The following SCEL variants were observed in gnomAD, a reference collection of about 807,000 sequenced individuals.
SCEL encodes the protein sciellin.
Under a neutral mutation model 117.6 loss-of-function variants are expected in SCEL, and 113 were observed. The observed-to-expected ratio is 0.96, with a 90% CI of 0.83 to 1.12. The LOEUF (loss-of-function observed/expected upper bound fraction) is 1.12, where lower values mean the gene tolerates loss of function less well. Ranked by LOEUF, SCEL falls within the 50% of genes most tolerant of loss-of-function variation. SCEL has a pLI of 0.00. For synonymous variants in SCEL, 270 were observed against 256.2 expected (o/e 1.05, Z -0.51); for missense variants, 785 against 810.8 (o/e 0.97, Z 0.39).
At chr13:77,575,244 G>A (rs1280252251) in intron 9 of SCEL, among the ~76,000 whole-genome samples, 3 of 151,618 alleles carry the variant, frequency 2.0e-5, no homozygotes, top group Non-Finnish European at 4.4e-5. Flanking sequence ...ACACCCAAAG[G>A]GACTTAAACT....
chr13:77,563,792 AT>A (rs749144278), intron 4 of SCEL, 38 bp from the exon 5 acceptor site: 1 of 1,434,268 alleles, frequency 7.0e-7, no homozygotes, highest in Non-Finnish European at 9.5e-7. Flanking sequence ...TTTGTAATTG[AT>A]TTGATTTTTT....
chr13:77,590,395 T>C (rs1315113445), intron 10 of SCEL, among the ~76,000 whole-genome samples: 1 of 152,158 alleles, frequency 6.6e-6, no homozygotes, highest in Non-Finnish European at 1.5e-5. Context: ...GTTTGTATGA[T>C]GGTTATAATG....
At chr13:77,586,213 C>T (rs9593238) in intron 9 of SCEL, among the ~76,000 whole-genome samples, 61,005 of 151,988 alleles carry the variant, frequency 0.4, 14,159 homozygotes, top group Non-Finnish European at 0.52. Flanking sequence ...TTCCCCTCCC[C>T]GACCACTCAC....
At chr13:77,581,316 A>C (rs2086248540) in intron 9 of SCEL, among the ~76,000 whole-genome samples, 1 of 152,262 alleles carries the variant, frequency 6.6e-6, no homozygotes. Context: ...TTGTTTGAAC[A>C]GAACAAGGAG....
chr13:77,541,251 C>T lies in SCEL; in HGVS notation c.-20+5427C>T, dbSNP rs574981724. Among the ~76,000 whole-genome samples the T allele has an allele frequency of 3.3e-5, 5 of 151,732 alleles. No individual in the cohort carries two copies. In the South Asian group the frequency reaches 1.0e-3, roughly 32 times the overall value. On this transcript the variant is annotated intron_variant, in intron 1 of 32. Coordinates refer to ENST00000349847, the MANE Select transcript of SCEL (RefSeq NM_144777.3). ...ATTTATAAAATAAGAAAGAAAATGC[C>T]CTGTAAAGTGAAGAAAAATATGCGA...
At chr13:77,585,238 T>C (rs2086495017) in intron 9 of SCEL, among the ~76,000 whole-genome samples, 1 of 152,156 alleles carries the variant, frequency 6.6e-6, no homozygotes, top group Non-Finnish European at 1.5e-5. Context: ...TCCAGAATAG[T>C]GTGATATGTG....
intron 28 of SCEL, among the ~76,000 whole-genome samples, chr13:77,629,641 C>T (rs1342721619): frequency 6.6e-6 from 1 of 152,140 alleles, no homozygotes; most frequent in Non-Finnish European, 1.5e-5. Context: ...GCTGAAAAAT[C>T]AACTCCCAAA....
intron 8 of SCEL, among the ~76,000 whole-genome samples, chr13:77,571,655 C>T (rs1054223864): frequency 6.6e-6 from 1 of 151,460 alleles, no homozygotes; most frequent in African/African-American, 2.4e-5. Flanking sequence ...CGCCATTACA[C>T]TCCGGCCTGG....
At chr13:77,617,691 G>A (rs1472108528) in intron 25 of SCEL, 33 bp downstream of exon 25, 1 of 1,509,102 alleles carries the variant, frequency 6.6e-7, no homozygotes, top group East Asian at 2.3e-5. Flanking sequence ...ATGTACTTGG[G>A]TCAGAAAGAA....
At chr13:77,579,027 G>A (rs962096855) in intron 9 of SCEL, among the ~76,000 whole-genome samples, 3 of 152,154 alleles carry the variant, frequency 2.0e-5, no homozygotes, top group Non-Finnish European at 4.4e-5. Context: ...GGTGTGTTGG[G>A]GGGCTAAGGT....
At chr13:77,608,995 C>T in intron 20 of SCEL, 63 bp from the exon 21 acceptor site, 1 of 1,318,840 alleles carries the variant, frequency 7.6e-7, no homozygotes, top group Non-Finnish European at 1.1e-6. Flanking sequence ...TCCTTTAAAT[C>T]AAAACAGTCA....
At chr13:77,599,640 A>G (rs2087506070) in intron 14 of SCEL, 49 bp from the exon 15 acceptor site, 2 of 1,345,916 alleles carry the variant, frequency 1.5e-6, no homozygotes, top group South Asian at 1.2e-5. Flanking sequence ...ATACCACACA[A>G]TTTCATTTCA....
At chr13:77,601,117 T>C (rs1430796497) in intron 15 of SCEL, among the ~76,000 whole-genome samples, 2 of 86,618 alleles carry the variant, frequency 2.3e-5, no homozygotes, top group Non-Finnish European at 4.7e-5. Flanking sequence ...ACAGTCTCTT[T>C]TTTTTTTTTT....
rs1425645667 is a variant in SCEL at position 77,617,582 on chromosome 13, AT to A, written c.1452-11del. 3.3e-6 allele frequency: 5 copies of A among 1,528,740 alleles called. No homozygotes were observed. The highest frequency in any genetic ancestry group is 4.5e-6 in the Non-Finnish European group (5 of 1,117,068). 94.7% of individuals were successfully genotyped at this position (1,528,740 alleles called of 1,614,324 possible). A position where few individuals can be genotyped will look rare whatever the true frequency, so the allele number is the denominator to read the frequency against. ...TATCTCTAACCCAAGTTGCTTTAATATTTTTTCCACTTAAAGAAAACAAGAT... is the reference window on the plus strand; with the variant it reads ...TATCTCTAACCCAAGTTGCTTTAATATTTTTCCACTTAAAGAAAACAAGAT... On this transcript the variant is annotated splice_polypyrimidine_tract_variant and intron_variant, in intron 24 of 32. Coordinates refer to ENST00000349847, the MANE Select transcript of SCEL (RefSeq NM_144777.3).
intron 16 of SCEL, 70 bp from the exon 17 acceptor site, chr13:77,602,584 C>G: frequency 7.4e-7 from 1 of 1,350,650 alleles, no homozygotes; most frequent in South Asian, 1.2e-5. Context: ...CAGGGACATT[C>G]TTGATTATAC....
intron 32 of SCEL, among the ~76,000 whole-genome samples, chr13:77,643,276 A>G (rs554610941): frequency 6.6e-6 from 1 of 152,288 alleles, no homozygotes; most frequent in Non-Finnish European, 1.5e-5. Context: ...TAAGTTTTCT[A>G]TCCATCTAAC....
intron 1 of SCEL, among the ~76,000 whole-genome samples, chr13:77,543,114 C>T (rs1387721228): frequency 7.4e-6 from 1 of 134,370 alleles, no homozygotes; most frequent in Non-Finnish European, 1.5e-5. Flanking sequence ...GACGGAGTCT[C>T]GCTCTGTTGC....
chr13:77,566,057 A>G (rs1281873433), intron 5 of SCEL, among the ~76,000 whole-genome samples: 2 of 152,234 alleles, frequency 1.3e-5, no homozygotes, highest in Non-Finnish European at 2.9e-5. Context: ...CAACATACAT[A>G]TTGGAATGGT....
intron 9 of SCEL, among the ~76,000 whole-genome samples, chr13:77,579,932 T>G (rs1318845000): frequency 6.6e-6 from 1 of 152,224 alleles, no homozygotes; most frequent in Non-Finnish European, 1.5e-5. Flanking sequence ...TGCATAGAAC[T>G]ATAGGCTTCC....
Sources: gnomAD v4.1 joint callset for allele counts (sites outside exome capture counted in the v4.1 genomes callset) on GRCh38, gnomAD v4.1.1 for gene constraint, MANE v1.5 for transcripts, NCBI Gene and HGNC (gene_info 2026-07-23, HGNC 2026-07-21) for gene names.